PAPPA2: variants seen among roughly 807,000 people sequenced by gnomAD.
PAPPA2 encodes pappalysin 2, also known as pappalysin-2.
PAPPA2 carries 86 observed loss-of-function variants against 176.4 expected under a neutral mutation model. That is an observed-to-expected ratio of 0.49 (90% CI 0.41 to 0.58). The LOEUF is 0.58. PAPPA2 is among the 20% of genes least tolerant of loss of function. PAPPA2 has a pLI of 0.00. For missense variants in PAPPA2, 2,073 were observed against 2,256.9 expected (o/e 0.92, Z 1.65); for synonymous variants, 809 against 852.2 (o/e 0.95, Z 0.88).
chr1:176,529,650 C>T (rs1258055673), intron 1 of PAPPA2, among the ~76,000 whole-genome samples: 1 of 152,208 alleles, frequency 6.6e-6, no homozygotes, highest in African/African-American at 2.4e-5. Context: ...ACATCTCTTC[C>T]AAATGTGCCC....
chr1:176,802,136 A>C (rs1665709659), intron 21 of PAPPA2, among the ~76,000 whole-genome samples: 1 of 152,194 alleles, frequency 6.6e-6, no homozygotes, highest in Non-Finnish European at 1.5e-5. Flanking sequence ...CTGTTTTAAC[A>C]AGCTTCCAAA....
chr1:176,791,448 T>C lies in PAPPA2; in HGVS notation c.4986T>C (p.Ser1662=), dbSNP rs367915503. The C allele has an allele frequency of 1.9e-6, 3 of 1,613,878 alleles. No individual in the cohort carries two copies. Among genetic ancestry groups the C allele is most frequent in the Non-Finnish European group, 2.5e-6 (3 of 1,179,888 alleles). ...ECPPPPSELN[S]VEYKCEQGYG... is the part of the protein sequence containing the mutation. ...CACCACCCCCCTCAGAGCTGAATTCTGTGGAGTACAAATGTGAACAAGGAT... is the reference window on the plus strand; with the variant it reads ...CACCACCCCCCTCAGAGCTGAATTCCGTGGAGTACAAATGTGAACAAGGAT... The change falls in exon 19 of 23, where the codon TCT becomes TCC. Residue 1662 remains serine, a synonymous_variant. Transcript: ENST00000367662.
At chr1:176,678,631 T>G (rs971015699) in intron 4 of PAPPA2, among the ~76,000 whole-genome samples, 3 of 142,268 alleles carry the variant, frequency 2.1e-5, no homozygotes, top group African/African-American at 7.9e-5. Flanking sequence ...ATTTCAAATA[T>G]TTTTTTTTTT....
rs759438071 is a variant in PAPPA2, at chr1:176,557,238, G to A, written c.916G>A (p.Ala306Thr). The A allele has an allele frequency of 5.1e-6, 8 of 1,580,882 alleles. No individual in the cohort carries two copies. The highest frequency in any genetic ancestry group is 2.3e-5 in the South Asian group (2 of 87,372). Residue 306 changes from alanine to threonine, a missense_variant, in exon 2 of 23, where the codon GCA (alanine) becomes ACA (threonine). By Grantham distance (58) the Ala-to-Thr change is moderately conservative. This residue lies in a region of PAPPA2 where 1,196 missense variants were observed against 1,330.4 expected (regional missense o/e 0.90). Transcript: ENST00000367662. ...EGGQNNPAII[A>T]GVFDNCSHTV... ...AGGACAGAACAACCCAGCCATCATC[G>A]CAGGTAACACCCTTCTCCTGGGCTT... is the stretch of plus-strand genomic sequence containing the variant.
intron 2 of PAPPA2, among the ~76,000 whole-genome samples, chr1:176,586,928 A>G (rs1183757144): frequency 1.3e-5 from 2 of 152,010 alleles, no homozygotes; most frequent in African/African-American, 2.4e-5. Flanking sequence ...AAGCTTTCCT[A>G]TTTCTCCACA....
At chr1:176,674,213 CAGAAG>C in intron 4 of PAPPA2, among the ~76,000 whole-genome samples, 1 of 152,152 alleles carries the variant, frequency 6.6e-6, no homozygotes, top group East Asian at 1.9e-4. Flanking sequence ...CAAGGGTAAA[CAGAAG>C]TAGTACAGCT....
chr1:176,574,546 G>A (rs1213104102), intron 2 of PAPPA2, among the ~76,000 whole-genome samples: 1 of 152,158 alleles, frequency 6.6e-6, no homozygotes, highest in Non-Finnish European at 1.5e-5. Flanking sequence ...TTGGCTATTT[G>A]TGGGTCTAGA....
intron 1 of PAPPA2, among the ~76,000 whole-genome samples, chr1:176,548,066 C>A (rs538467218): frequency 6.6e-6 from 1 of 152,242 alleles, no homozygotes; most frequent in South Asian, 2.1e-4. Flanking sequence ...TAGAGATGGT[C>A]ATATCTTATT....
chr1:176,469,551 AAGTGAGCAG>A (rs1383413860), intron 1 of PAPPA2, among the ~76,000 whole-genome samples: 1 of 152,206 alleles, frequency 6.6e-6, no homozygotes, highest in Non-Finnish European at 1.5e-5. Flanking sequence ...CTTCAGAATT[AAGTGAGCAG>A]TTGCATACTT....
intron 3 of PAPPA2, among the ~76,000 whole-genome samples, chr1:176,624,895 G>A (rs766349199): frequency 7.2e-5 from 11 of 152,312 alleles, no homozygotes; most frequent in Non-Finnish European, 1.3e-4. Context: ...AGATCCCCAG[G>A]AGGGCAGGCA....
intron 1 of PAPPA2, among the ~76,000 whole-genome samples, chr1:176,545,799 T>A (rs1369618530): frequency 2.0e-5 from 3 of 152,088 alleles, no homozygotes; most frequent in Non-Finnish European, 4.4e-5. Context: ...TGAACTAGAG[T>A]TTCTCTTACT....
chr1:176,785,179 A>C (rs1664882122), intron 17 of PAPPA2, among the ~76,000 whole-genome samples: 1 of 152,180 alleles, frequency 6.6e-6, no homozygotes, highest in Non-Finnish European at 1.5e-5. Context: ...GACTAGGAAG[A>C]ATCCAGAACA....
At chr1:176,634,052 A>G (rs933532590) in intron 3 of PAPPA2, among the ~76,000 whole-genome samples, 24 of 152,230 alleles carry the variant, frequency 1.6e-4, no homozygotes, top group Middle Eastern at 3.2e-3. Context: ...TCGGGGATCT[A>G]GAACTAGAAA....
chr1:176,470,976 G>A (rs1651846027), intron 1 of PAPPA2, among the ~76,000 whole-genome samples: 1 of 152,142 alleles, frequency 6.6e-6, no homozygotes, highest in Non-Finnish European at 1.5e-5. Context: ...CTCAGAATGT[G>A]AAGGAGCCAT....
In PAPPA2 at chr1:176,550,119, G is replaced by A. The variant is rs115462693; in HGVS notation, c.-916-5288G>A. Among the ~76,000 whole-genome samples, 518 of 152,266 alleles carry A rather than the reference G, an allele frequency of 3.4e-3. 2 individuals carry two copies. The highest frequency in any genetic ancestry group is 0.012 in the African/African-American group (488 of 41,572). On this transcript the variant is annotated intron_variant, in intron 1 of 22. Transcript: ENST00000367662. ...CACAGTTTGCAGCCCTTTAAGTCTG[G>A]CTTCTTTCACTTAGCATAATGCATT...
intron 17 of PAPPA2, among the ~76,000 whole-genome samples, chr1:176,781,155 GC>G (rs1264891634): frequency 6.6e-6 from 1 of 151,944 alleles, no homozygotes; most frequent in African/African-American, 2.4e-5. Context: ...TGGAGAAGGG[GC>G]CCCAAACTTG....
intron 1 of PAPPA2, among the ~76,000 whole-genome samples, chr1:176,527,901 A>G (rs1196711650): frequency 7.9e-5 from 12 of 152,164 alleles, no homozygotes; most frequent in Admixed American, 7.9e-4. Context: ...CTTCTGATGG[A>G]GTAGATGTGA....
intron 1 of PAPPA2, among the ~76,000 whole-genome samples, chr1:176,545,462 T>TAAA (rs1650584296): frequency 6.9e-6 from 1 of 144,922 alleles, no homozygotes; most frequent in Non-Finnish European, 1.5e-5. Flanking sequence ...AAATAAATAA[T>TAAA]ACACCTGAAC....
At chr1:176,594,455 T>G (rs1653834441) in intron 2 of PAPPA2, 69 bp from the exon 3 acceptor site, 2 of 1,314,302 alleles carry the variant, frequency 1.5e-6, no homozygotes, top group African/African-American at 3.0e-5. Flanking sequence ...ATGGGCTTTC[T>G]TCTCCCTTTC....
Sources: allele counts gnomAD v4.1 joint callset (sites outside exome capture counted in the v4.1 genomes callset), GRCh38; gene constraint gnomAD v4.1.1; regional missense constraint gnomAD v4.1.1; transcripts MANE v1.5; gene names NCBI Gene and HGNC (gene_info 2026-07-23, HGNC 2026-07-21).